PXDNL: variants seen among roughly 807,000 people sequenced by gnomAD.
The protein encoded by PXDNL is probable oxidoreductase PXDNL.
A neutral mutation model predicts 150.8 loss-of-function variants in PXDNL; 145 were observed. That is an observed-to-expected ratio of 0.96 (90% CI 0.84 to 1.10). The LOEUF (loss-of-function observed/expected upper bound fraction) is 1.10. Among genes scored for constraint, PXDNL ranks in the 50% least tolerant of loss-of-function variants. The pLI is 0.00. For missense variants in PXDNL, 2,087 were observed against 1,873.9 expected (o/e 1.11, Z -2.10); for synonymous variants, 757 against 725.7 (o/e 1.04, Z -0.69).
chr8:51,337,872 C>CAA (rs34248614), intron 21 of PXDNL, among the ~76,000 whole-genome samples: 29,042 of 127,878 alleles, frequency 0.23, 3,249 homozygotes, highest in Middle Eastern at 0.29. Flanking sequence ...GACTCCATCT[C>CAA]AAAAAAAAAA....
At chr8:51,621,931 G>A (rs1330056519) in intron 2 of PXDNL, among the ~76,000 whole-genome samples, 2 of 124,100 alleles carry the variant, frequency 1.6e-5, no homozygotes, top group Admixed American at 9.6e-5. Flanking sequence ...GTGACAGAGT[G>A]AGACCCTGTC....
intron 6 of PXDNL, among the ~76,000 whole-genome samples, chr8:51,481,720 G>A (rs1810608619): frequency 6.6e-6 from 1 of 152,190 alleles, no homozygotes; most frequent in African/African-American, 2.4e-5. Context: ...ACTAAAAGGG[G>A]CCAACATACT....
intron 1 of PXDNL, among the ~76,000 whole-genome samples, chr8:51,741,265 C>T (rs188993178): frequency 9.8e-4 from 149 of 152,180 alleles, no homozygotes; most frequent in Non-Finnish European, 1.4e-3. Flanking sequence ...AGTTTATTTG[C>T]GTAGAGGTGT....
At position 51,408,779 on chromosome 8, in the gene PXDNL, G is replaced by A. The variant is rs1243099975; in HGVS notation, c.2845C>T (p.Gln949Ter). The A allele has an allele frequency of 1.3e-6, 2 of 1,578,610 alleles. No individual in the cohort carries two copies. Among genetic ancestry groups the A allele is most frequent in the East Asian group, 2.3e-5 (1 of 44,318 alleles). The change falls in exon 17 of 23, where the codon CAG (glutamine) becomes TAG (stop). Residue 949 changes from glutamine (Q) to a stop codon, truncating the protein, a stop_gained. Transcript: ENST00000356297. LOFTEE classifies it high-confidence loss of function. ...CCGGCCAGGAAACAGGGGCTCTCCT[G>A]CTCCTGTCGCGCGCACTCGGTGGGT... ...GPPTECARQE[Q>*]ESPCFLAGDH...
chr8:51,496,261 G>A (rs1402212891), intron 5 of PXDNL, among the ~76,000 whole-genome samples: 1 of 152,126 alleles, frequency 6.6e-6, no homozygotes, highest in Non-Finnish European at 1.5e-5. Flanking sequence ...AATAAATTAG[G>A]TATTGATGAG....
intron 1 of PXDNL, among the ~76,000 whole-genome samples, chr8:51,807,521 G>T (rs1227397842): frequency 6.6e-6 from 1 of 152,142 alleles, no homozygotes; most frequent in Non-Finnish European, 1.5e-5. Flanking sequence ...AACACTGTTA[G>T]CATCTCCATT....
intron 1 of PXDNL, among the ~76,000 whole-genome samples, chr8:51,699,620 G>A (rs747418349): frequency 6.6e-6 from 1 of 152,196 alleles, no homozygotes; most frequent in Non-Finnish European, 1.5e-5. Flanking sequence ...CGGCACAAGA[G>A]GCCTAGCTTT....
At chr8:51,476,852 T>C (rs889198904) in intron 6 of PXDNL, among the ~76,000 whole-genome samples, 5 of 152,202 alleles carry the variant, frequency 3.3e-5, no homozygotes, top group African/African-American at 9.7e-5. Flanking sequence ...TAGTGTCCAA[T>C]GTGACTGGAG....
intron 21 of PXDNL, among the ~76,000 whole-genome samples, chr8:51,338,826 G>A (rs776147016): frequency 3.9e-5 from 6 of 152,194 alleles, no homozygotes; most frequent in Non-Finnish European, 5.9e-5. Flanking sequence ...AAAGTATAGC[G>A]GGGTGTGGGA....
intron 1 of PXDNL, among the ~76,000 whole-genome samples, chr8:51,736,521 A>G (rs1209377764): frequency 2.0e-5 from 3 of 152,234 alleles, no homozygotes; most frequent in Non-Finnish European, 4.4e-5. Flanking sequence ...CTGTAAACCA[A>G]TGAGAATGCC....
At chr8:51,572,723 G>A (rs931173749) in intron 3 of PXDNL, among the ~76,000 whole-genome samples, 1 of 151,826 alleles carries the variant, frequency 6.6e-6, no homozygotes, top group African/African-American at 2.4e-5. Flanking sequence ...TGTAATATAT[G>A]TCTTAACACA....
intron 21 of PXDNL, among the ~76,000 whole-genome samples, chr8:51,328,782 A>C (rs6993031): frequency 0.031 from 4,794 of 152,296 alleles, 240 homozygotes; most frequent in African/African-American, 0.11. Flanking sequence ...AGGAAACTTA[A>C]GAGGTTCTCA....
intron 4 of PXDNL, among the ~76,000 whole-genome samples, chr8:51,518,530 T>A (rs548020479): frequency 1.3e-5 from 2 of 152,168 alleles, no homozygotes; most frequent in African/African-American, 4.8e-5. Context: ...AGGTAAGATG[T>A]TAATGTAATC....
intron 2 of PXDNL, among the ~76,000 whole-genome samples, chr8:51,607,890 AAGGAAGGT>A (rs1484191333): frequency 1.8e-4 from 21 of 117,826 alleles, no homozygotes; most frequent in African/African-American, 4.0e-4. Flanking sequence ...GGAAGGAAGG[AAGGAAGGT>A]GGGGAGGGAG....
chr8:51,651,716 C>T (rs185471429), intron 2 of PXDNL, among the ~76,000 whole-genome samples: 11 of 152,208 alleles, frequency 7.2e-5, no homozygotes, highest in Non-Finnish European at 1.5e-4. Context: ...GCTCTTCCTC[C>T]AGGGCTCAAT....
intron 1 of PXDNL, among the ~76,000 whole-genome samples, chr8:51,706,911 A>G (rs1585689352): frequency 6.7e-6 from 1 of 149,320 alleles, no homozygotes; most frequent in African/African-American, 2.5e-5. Flanking sequence ...GGGTCTCCAC[A>G]TAACTGCCCA....
At chr8:51,744,797 AAGAG>A (rs1563307644) in intron 1 of PXDNL, among the ~76,000 whole-genome samples, 10 of 150,404 alleles carry the variant, frequency 6.6e-5, no homozygotes, top group South Asian at 4.2e-4. Flanking sequence ...GAAAAAGAGA[AAGAG>A]AGAGAAAGAA....
chr8:51,559,939 A>G (rs543617722), intron 3 of PXDNL, among the ~76,000 whole-genome samples: 2 of 152,168 alleles, frequency 1.3e-5, no homozygotes, highest in African/African-American at 4.8e-5. Context: ...TGTAAATACT[A>G]AAGGAAAATT....
At chr8:51,481,569 C>A (rs960547098) in intron 6 of PXDNL, among the ~76,000 whole-genome samples, 3 of 152,176 alleles carry the variant, frequency 2.0e-5, no homozygotes, top group Non-Finnish European at 4.4e-5. Flanking sequence ...ATGTCAGAGA[C>A]CTTCACAGCA....
Sources: allele counts gnomAD v4.1 joint callset (sites outside exome capture counted in the v4.1 genomes callset), GRCh38; gene constraint gnomAD v4.1.1; transcripts MANE v1.5; gene names NCBI Gene and HGNC (gene_info 2026-07-23, HGNC 2026-07-21).